The following KALRN variants were observed in gnomAD, a reference collection of about 807,000 sequenced individuals.
KALRN encodes the protein kalirin RhoGEF kinase.
Under a neutral mutation model 353.7 loss-of-function variants are expected in KALRN, and 70 were observed. The ratio of observed to expected loss-of-function variants is 0.20; its 90% confidence interval spans 0.16 to 0.24. KALRN has a LOEUF of 0.24. KALRN is among the 10% of genes least tolerant of loss of function. The probability of loss-of-function intolerance (pLI) is 1.00; values close to 1 mark genes in which losing one functional copy is unlikely to be tolerated. For missense variants in KALRN, 2,791 were observed against 3,756.7 expected (o/e 0.74, Z 6.72); for synonymous variants, 1,391 against 1,434.8 (o/e 0.97, Z 0.69).
intron 1 of KALRN, among the ~76,000 whole-genome samples, chr3:124,076,464 TG>T (rs1490710168): frequency 1.3e-5 from 2 of 152,134 alleles, no homozygotes; most frequent in Non-Finnish European, 2.9e-5. Flanking sequence ...GGGTGTGGTG[TG>T]GGGCGGTGGG....
intron 5 of KALRN, among the ~76,000 whole-genome samples, chr3:124,273,835 A>G (rs1013732148): frequency 6.6e-6 from 1 of 152,158 alleles, no homozygotes; most frequent in Non-Finnish European, 1.5e-5. Flanking sequence ...CTGGTCTATA[A>G]CTAATGGGCC....
chr3:124,375,333 C>T (rs1407864670), intron 10 of KALRN, among the ~76,000 whole-genome samples: 1 of 152,158 alleles, frequency 6.6e-6, no homozygotes, highest in Non-Finnish European at 1.5e-5. Context: ...TCTATTGTTC[C>T]CTCTGGTTTG....
At chr3:124,284,055 A>G (rs1364135507) in intron 5 of KALRN, among the ~76,000 whole-genome samples, 1 of 152,202 alleles carries the variant, frequency 6.6e-6, no homozygotes, top group Non-Finnish European at 1.5e-5. Context: ...TGTGAAAAAG[A>G]TGGGAGAGGG....
chr3:124,658,498 A>G lies in KALRN; in HGVS notation c.6104A>G (p.Glu2035Gly). Reference sequence around the variant, plus strand: ...CCGCGCTCAGAGTACATCGTTGCTGAGTATGACGCCTACTTTGAGGTAAGC... The same window carrying G: ...CCGCGCTCAGAGTACATCGTTGCTGGGTATGACGCCTACTTTGAGGTAAGC... ...NKPRSEYIVA[E>G]YDAYFEEVKQ... The change falls in exon 42 of 60, where the codon GAG becomes GGG. Residue 2035 changes from glutamate to glycine, a missense_variant. Glu to Gly is a moderately conservative substitution (Grantham distance 98, BLOSUM62 -2). Around this residue, in one of 11 missense-constraint regions of KALRN, gnomAD observed 1,065 missense variants for 1,156.4 expected, o/e 0.92. Coordinates refer to ENST00000682506, the MANE Select transcript of KALRN (RefSeq NM_001388419.1). The G allele has an allele frequency of 6.2e-7, 1 of 1,614,062 alleles. No homozygotes were observed.
At chr3:124,640,475 G>A (rs2081921582) in intron 37 of KALRN, among the ~76,000 whole-genome samples, 1 of 151,848 alleles carries the variant, frequency 6.6e-6, no homozygotes, top group Non-Finnish European at 1.5e-5. Context: ...AGTAGACACA[G>A]GGTTTCACCA....
intron 1 of KALRN, among the ~76,000 whole-genome samples, chr3:124,056,367 G>A (rs536473591): frequency 3.5e-4 from 54 of 152,254 alleles, no homozygotes; most frequent in Admixed American, 2.4e-3. Flanking sequence ...TGTCTGTAGC[G>A]TGGTGCAAAG....
intron 23 of KALRN, among the ~76,000 whole-genome samples, chr3:124,459,336 A>G (rs561897557): frequency 6.6e-6 from 1 of 152,356 alleles, no homozygotes; most frequent in Admixed American, 6.5e-5. Context: ...CTGAGATTCA[A>G]ACATTTTGCA....
At chr3:124,674,082 T>C (rs1014202649) in intron 48 of KALRN, among the ~76,000 whole-genome samples, 21 of 152,066 alleles carry the variant, frequency 1.4e-4, no homozygotes, top group Admixed American at 8.5e-4. Context: ...GGCAGGAAGG[T>C]TGTATGCTGG....
chr3:124,255,917 C>T lies in KALRN; in HGVS notation c.264-8581C>T, dbSNP rs191689633. 3.3e-5 allele frequency among the ~76,000 whole-genome samples: 5 copies of T among 152,274 alleles called. No individual in the cohort carries two copies. The East Asian group carries it at 7.7e-4, about 24-fold the overall frequency. On this transcript the variant is annotated intron_variant, in intron 3 of 59. Coordinates refer to ENST00000682506, the MANE Select transcript of KALRN (RefSeq NM_001388419.1). ...AATATAAAATTGAAACTAATAAATG[C>T]ATTAAGAGAGGCATGGATAATGTGT...
At chr3:124,036,179 AC>A in intron 1 of KALRN, among the ~76,000 whole-genome samples, 1 of 152,118 alleles carries the variant, frequency 6.6e-6, no homozygotes, top group Non-Finnish European at 1.5e-5. Context: ...TAAGCATAGT[AC>A]CTGATAGGTA....
intron 3 of KALRN, among the ~76,000 whole-genome samples, chr3:124,236,006 A>G (rs12632255): frequency 0.093 from 14,159 of 152,140 alleles, 1,838 homozygotes; most frequent in East Asian, 0.64. Context: ...AATGTAAAGG[A>G]GTGGTTGGGA....
chr3:124,631,123 A>C (rs982471593), intron 34 of KALRN, among the ~76,000 whole-genome samples: 1 of 151,822 alleles, frequency 6.6e-6, no homozygotes, highest in African/African-American at 2.4e-5. Flanking sequence ...CCTCCAGAAC[A>C]CCCCACCCTC....
intron 33 of KALRN, chr3:124,518,567 C>A: frequency 6.2e-7 from 1 of 1,606,144 alleles, no homozygotes; most frequent in Non-Finnish European, 8.5e-7. Flanking sequence ...ACTTCTCTGG[C>A]AGGGCTGGTG....
At chr3:124,528,369 T>C (rs1050150689) in intron 33 of KALRN, among the ~76,000 whole-genome samples, 1 of 152,210 alleles carries the variant, frequency 6.6e-6, no homozygotes. Flanking sequence ...GTAGTAGGTA[T>C]GTTCAACCTA....
In KALRN at chr3:124,724,758, T is replaced by G. The variant is rs1157321554; in HGVS notation, c.*5288T>G. ...AAACATATTTTCTATGAAAGGCATT[T>G]CTTCCTCATCTTCAATAAATATGAA... On this transcript the variant is annotated 3_prime_UTR_variant, in exon 60 of 60. Coordinates refer to ENST00000682506, the MANE Select transcript of KALRN (RefSeq NM_001388419.1). 1 of 152,178 alleles carries G rather than the reference T, an allele frequency of 6.6e-6. No homozygotes were observed. The highest frequency in any genetic ancestry group is 1.5e-5 in the Non-Finnish European group (1 of 68,026). The allele number at this position is 152,178 out of a possible 1,614,324, so 9.4% of individuals were successfully genotyped here.
intron 38 of KALRN, among the ~76,000 whole-genome samples, chr3:124,653,880 T>C (rs2083689767): frequency 6.6e-6 from 1 of 152,238 alleles, no homozygotes; most frequent in South Asian, 2.1e-4. Context: ...TGCCTGCAAT[T>C]TAAATCCTTG....
intron 10 of KALRN, among the ~76,000 whole-genome samples, chr3:124,368,932 C>G (rs12374119): frequency 0.32 from 47,963 of 151,628 alleles, 8,619 homozygotes; most frequent in Middle Eastern, 0.48. Context: ...TGCCTGCAAT[C>G]GCAGGCACTC....
At chr3:124,420,292 C>A (rs1345128135) in intron 14 of KALRN, among the ~76,000 whole-genome samples, 1 of 152,172 alleles carries the variant, frequency 6.6e-6, no homozygotes, top group African/African-American at 2.4e-5. Flanking sequence ...CAGAGGTGAG[C>A]CATGAGGCTC....
chr3:124,131,439 T>G (rs1353239250), intron 1 of KALRN, among the ~76,000 whole-genome samples: 2 of 152,150 alleles, frequency 1.3e-5, no homozygotes, highest in African/African-American at 4.8e-5. Context: ...TAAAGTGAGG[T>G]ATAAGCTATC....
Sources: gnomAD v4.1 joint callset for allele counts (sites outside exome capture counted in the v4.1 genomes callset) on GRCh38, gnomAD v4.1.1 for gene constraint, gnomAD v4.1.1 regional missense constraint, MANE v1.5 for transcripts, NCBI Gene and HGNC (gene_info 2026-07-23, HGNC 2026-07-21) for gene names.